NXPH1: variants seen among roughly 807,000 people sequenced by gnomAD.
NXPH1 encodes neurexophilin-1.
In NXPH1, 5 loss-of-function variants were observed where a neutral mutation model predicts 23.7. That is an observed-to-expected ratio of 0.21 (90% CI 0.11 to 0.44). NXPH1 has a LOEUF of 0.44. NXPH1 is among the 20% of genes least tolerant of loss of function. The probability of loss-of-function intolerance (pLI) is 0.99; values close to 1 mark genes in which losing one functional copy is unlikely to be tolerated. For missense variants in NXPH1, 324 were observed against 321.6 expected (o/e 1.01, Z -0.06); for synonymous variants, 144 against 122.2 (o/e 1.18, Z -1.18).
rs146279109 is a variant in NXPH1 at position 8,734,683 on chromosome 7, A to G, written c.55-16325A>G. Among the ~76,000 whole-genome samples, 418 of 152,254 alleles carry G rather than the reference A, an allele frequency of 2.7e-3. 7 individuals are homozygous for G. The East Asian group carries it at 0.028, about 10-fold the overall frequency. ...TGTATATTCTGTTGATTTGGGGTGG[A>G]GAGTTCTGTAAATGCCTCTTAGGTC... On this transcript the variant is annotated intron_variant, in intron 2 of 2. Coordinates refer to ENST00000405863, the MANE Select transcript of NXPH1 (RefSeq NM_152745.3).
chr7:8,548,121 C>T (rs1818223900), intron 2 of NXPH1, among the ~76,000 whole-genome samples: 1 of 151,434 alleles, frequency 6.6e-6, no homozygotes, highest in Non-Finnish European at 1.5e-5. Flanking sequence ...TAAACATTCC[C>T]AAAAGGTATA....
At chr7:8,587,746 T>C (rs980631316) in intron 2 of NXPH1, among the ~76,000 whole-genome samples, 3 of 152,172 alleles carry the variant, frequency 2.0e-5, no homozygotes, top group Non-Finnish European at 4.4e-5. Context: ...TTTGGATTTC[T>C]GTTCCTGTGT....
At chr7:8,737,920 G>T (rs963683700) in intron 2 of NXPH1, among the ~76,000 whole-genome samples, 2 of 152,154 alleles carry the variant, frequency 1.3e-5, no homozygotes, top group Non-Finnish European at 1.5e-5. Context: ...CCACTCGGTA[G>T]ATTCAGCTAC....
intron 2 of NXPH1, among the ~76,000 whole-genome samples, chr7:8,452,059 C>T (rs536219311): frequency 6.6e-6 from 1 of 152,144 alleles, no homozygotes. Context: ...ACTGATTAGC[C>T]ACTCAGATGT....
chr7:8,453,711 C>T (rs146813006), intron 2 of NXPH1, among the ~76,000 whole-genome samples: 6 of 152,152 alleles, frequency 3.9e-5, no homozygotes, highest in African/African-American at 9.6e-5. Flanking sequence ...CTAAGGATAA[C>T]GGCTTCCAGC....
At chr7:8,664,040 T>C (rs562628960) in intron 2 of NXPH1, among the ~76,000 whole-genome samples, 1 of 152,204 alleles carries the variant, frequency 6.6e-6, no homozygotes, top group Non-Finnish European at 1.5e-5. Flanking sequence ...AGAGAAGTCT[T>C]GTTACCCTTT....
At chr7:8,680,253 G>A (rs1046518378) in intron 2 of NXPH1, among the ~76,000 whole-genome samples, 33 of 152,354 alleles carry the variant, frequency 2.2e-4, no homozygotes, top group Middle Eastern at 6.8e-3. Context: ...TGCATTAAAT[G>A]TGGTAAGAGT....
rs187524197 is a variant in NXPH1, at chr7:8,732,736, A to C, written c.55-18272A>C. ...AAAAATGTAATATAAAATATAAGCT[A>C]TTTTTTTCTGGGTTATTGTCTCCTT... is the stretch of plus-strand genomic sequence containing the variant. On this transcript the variant is annotated intron_variant, in intron 2 of 2. Transcript: ENST00000405863. 7.2e-5 allele frequency among the ~76,000 whole-genome samples: 11 copies of C among 151,880 alleles called. No homozygotes were observed. The South Asian group carries it at 1.9e-3, about 26-fold the overall frequency.
intron 2 of NXPH1, among the ~76,000 whole-genome samples, chr7:8,548,478 T>C (rs142120169): frequency 4.8e-4 from 73 of 151,726 alleles, no homozygotes; most frequent in African/African-American, 1.7e-3. Flanking sequence ...ACTTGTGAGT[T>C]CTTAATAAGC....
At chr7:8,506,848 C>T (rs1475641206) in intron 2 of NXPH1, among the ~76,000 whole-genome samples, 2 of 151,962 alleles carry the variant, frequency 1.3e-5, no homozygotes, top group Non-Finnish European at 2.9e-5. Context: ...ACATGAGGCT[C>T]AATGAAGAGG....
chr7:8,553,805 T>C (rs1228610883), intron 2 of NXPH1, among the ~76,000 whole-genome samples: 2 of 151,602 alleles, frequency 1.3e-5, no homozygotes, highest in Non-Finnish European at 3.0e-5. Flanking sequence ...ATTTGTTCTG[T>C]TGGATAAAAA....
chr7:8,590,733 T>C (rs1244411837), intron 2 of NXPH1, among the ~76,000 whole-genome samples: 4 of 152,114 alleles, frequency 2.6e-5, no homozygotes, highest in Non-Finnish European at 5.9e-5. Context: ...AGGGACCTTT[T>C]TACAGTAATT....
chr7:8,735,513 T>C (rs1780234290), intron 2 of NXPH1, among the ~76,000 whole-genome samples: 1 of 152,198 alleles, frequency 6.6e-6, no homozygotes, highest in African/African-American at 2.4e-5. Flanking sequence ...GATAAGCTTT[T>C]GGATGTGCTG....
intron 2 of NXPH1, among the ~76,000 whole-genome samples, chr7:8,492,945 C>T (rs1200398767): frequency 6.6e-6 from 1 of 151,954 alleles, no homozygotes; most frequent in Non-Finnish European, 1.5e-5. Flanking sequence ...AAGGAAAGGC[C>T]TTTTCTTTTG....
At chr7:8,528,210 AG>A (rs768220690) in intron 2 of NXPH1, among the ~76,000 whole-genome samples, 24 of 152,218 alleles carry the variant, frequency 1.6e-4, no homozygotes, top group East Asian at 1.5e-3. Flanking sequence ...CCTCCCCTGA[AG>A]GGCAAGCTTT....
intron 2 of NXPH1, among the ~76,000 whole-genome samples, chr7:8,596,997 T>C (rs1258363670): frequency 6.6e-6 from 1 of 152,046 alleles, no homozygotes; most frequent in Non-Finnish European, 1.5e-5. Flanking sequence ...GAAAGGCAGC[T>C]TACAGAGTCA....
rs1333855574 is a variant in NXPH1 at position 8,708,004 on chromosome 7, A to C, written c.55-43004A>C. Reference sequence around the variant, plus strand: ...GCTAGGATACAAAACATAAATCTTTAAATAATTTAATATGCACTCATATAT... The same window carrying C: ...GCTAGGATACAAAACATAAATCTTTCAATAATTTAATATGCACTCATATAT... On this transcript the variant is annotated intron_variant, in intron 2 of 2. Coordinates refer to ENST00000405863, the MANE Select transcript of NXPH1 (RefSeq NM_152745.3). 1.3e-5 allele frequency among the ~76,000 whole-genome samples: 2 copies of C among 152,170 alleles called. 1 individual carries two copies. Among genetic ancestry groups the C allele is most frequent in the African/African-American group, 4.8e-5 (2 of 41,454 alleles).
chr7:8,479,871 T>G (rs892743925), intron 2 of NXPH1, among the ~76,000 whole-genome samples: 5 of 152,162 alleles, frequency 3.3e-5, no homozygotes, highest in African/African-American at 1.2e-4. Flanking sequence ...AACGGTATTT[T>G]AAAAACCTAG....
At chr7:8,614,508 T>C (rs1412752431) in intron 2 of NXPH1, among the ~76,000 whole-genome samples, 3 of 151,964 alleles carry the variant, frequency 2.0e-5, no homozygotes, top group African/African-American at 7.2e-5. Flanking sequence ...TGGATACATA[T>C]ATATACATAC....
Sources: allele counts gnomAD v4.1 joint callset (sites outside exome capture counted in the v4.1 genomes callset), GRCh38; gene constraint gnomAD v4.1.1; transcripts MANE v1.5; gene names NCBI Gene and HGNC (gene_info 2026-07-23, HGNC 2026-07-21).